The following MARCO variants were observed in gnomAD, a reference collection of about 807,000 sequenced individuals.
MARCO encodes macrophage receptor with collagenous structure, also known as macrophage receptor MARCO.
Under a neutral mutation model 70.0 loss-of-function variants are expected in MARCO, and 72 were observed. That is an observed-to-expected ratio of 1.03 (90% CI 0.85 to 1.25). The LOEUF is 1.25. Among genes scored for constraint, MARCO ranks in the 50% most tolerant of loss-of-function variants. The pLI is 0.00. For missense variants in MARCO, 696 were observed against 659.3 expected, an observed-to-expected ratio of 1.06 and a Z score of -0.61; for synonymous variants, 273 against 243.1, an observed-to-expected ratio of 1.12 and a Z score of -1.14.
intron 1 of MARCO, among the ~76,000 whole-genome samples, chr2:118,957,257 G>T (rs1480998453): frequency 6.6e-6 from 1 of 151,926 alleles, no homozygotes; most frequent in Non-Finnish European, 1.5e-5. Flanking sequence ...ACGAAGGAAA[G>T]AAGAGAGAAA....
Position 118,982,156 on chromosome 2 carries a change from GA to G in MARCO, c.903del (p.Gln302AsnfsTer46), listed in dbSNP as rs780551837. 1.2e-6 allele frequency: 2 copies of G among 1,605,982 alleles called. No homozygotes were observed. The highest frequency in any genetic ancestry group is 1.7e-6 in the Non-Finnish European group (2 of 1,174,110). On this transcript the variant is annotated frameshift_variant and splice_region_variant, in exon 11 of 17. Coordinates refer to ENST00000327097, the MANE Select transcript of MARCO (RefSeq NM_006770.4). LOFTEE classifies it high-confidence loss of function. ...CTGGCAGTCACTACTTTCCTTTCAG[GA>G]CAACCTGGACTGCAGGGTGTTCCGG... is the stretch of plus-strand genomic sequence containing the variant. ...AGFPGAKGDQ[G>X]QPGLQGVPGP...
Position 118,974,359 on chromosome 2 carries a change from G to A in MARCO, c.487G>A (p.Gly163Ser), listed in dbSNP as rs1370063961. 6.2e-7 allele frequency: 1 copy of A among 1,605,846 alleles called. No individual in the cohort carries two copies. Among genetic ancestry groups the A allele is most frequent in the Non-Finnish European group, 8.5e-7 (1 of 1,176,456 alleles). The stretch of plus-strand genomic sequence containing the variant: ...TCTTCAAGGTCACAAGGGGGCCATG[G>A]GCATGCCTGGTGCCCCTGGCCCGCC... ...PGLQGHKGAM[G>S]MPGAPGPPGP... Residue 163 changes from glycine to serine, a missense_variant, in exon 5 of 17, where the codon GGC becomes AGC. Gly to Ser is a moderately conservative substitution (Grantham distance 56). Coordinates refer to ENST00000327097, the MANE Select transcript of MARCO (RefSeq NM_006770.4).
intron 1 of MARCO, among the ~76,000 whole-genome samples, chr2:118,954,855 A>G (rs1439140645): frequency 6.6e-6 from 1 of 152,162 alleles, no homozygotes; most frequent in Non-Finnish European, 1.5e-5. Flanking sequence ...AGCCACATCC[A>G]CAGGAAAACA....
Position 118,991,804 on chromosome 2 carries a change from G to A in MARCO, c.1136G>A (p.Gly379Glu), listed in dbSNP as rs764633665. Residue 379 changes from glycine (G) to glutamate (E), a missense_variant, in exon 14 of 17, where the codon GGG becomes GAG. By Grantham distance (98) the Gly-to-Glu change is moderately conservative (BLOSUM62 -2). Transcript: ENST00000327097. ...PGPAGVKGEQ[G>E]SPGLAGPKGA... ...CCTGCAGGTGTGAAGGGAGAACAGG[G>A]GAGCCCAGGGCTGGCAGGTCCCAAG... is the stretch of plus-strand genomic sequence containing the variant. The A allele has an allele frequency of 1.3e-6, 2 of 1,596,076 alleles. No homozygotes were observed. Among genetic ancestry groups the A allele is most frequent in the Admixed American group, 1.8e-5 (1 of 56,732 alleles).
chr2:118,957,839 G>T (rs1012451265), intron 1 of MARCO, among the ~76,000 whole-genome samples: 1 of 152,038 alleles, frequency 6.6e-6, no homozygotes, highest in African/African-American at 2.4e-5. Flanking sequence ...TGCAGGGATG[G>T]TTTAACATTC....
intron 1 of MARCO, chr2:118,949,264 C>T (rs536599397): frequency 6.6e-6 from 1 of 152,312 alleles, no homozygotes; most frequent in African/African-American, 2.4e-5. Flanking sequence ...ACAACGTGGG[C>T]CTCTGGCCTA....
intron 1 of MARCO, among the ~76,000 whole-genome samples, chr2:118,955,642 A>G (rs1421658293): frequency 1.3e-5 from 2 of 152,232 alleles, no homozygotes; most frequent in Admixed American, 6.5e-5. Flanking sequence ...TCCCCTAGAC[A>G]CATTGTCATC....
chr2:118,979,707 C>T (rs1326171972), intron 8 of MARCO, among the ~76,000 whole-genome samples: 1 of 152,184 alleles, frequency 6.6e-6, no homozygotes, highest in Non-Finnish European at 1.5e-5. Context: ...CTTCAAAAAT[C>T]AGGACTCAGG....
intron 12 of MARCO, among the ~76,000 whole-genome samples, chr2:118,986,640 A>G (rs1488550205): frequency 3.0e-4 from 13 of 42,958 alleles, no homozygotes; most frequent in Admixed American, 6.7e-4. Context: ...AAAGAAAGAA[A>G]GAAAGAAAGA....
intron 4 of MARCO, among the ~76,000 whole-genome samples, chr2:118,971,987 G>C (rs1680181395): frequency 1.3e-5 from 2 of 152,232 alleles, no homozygotes; most frequent in African/African-American, 4.8e-5. Context: ...TGGAGGCGCA[G>C]GCTGTGCGGT....
At chr2:118,956,951 A>G (rs1679848639) in intron 1 of MARCO, among the ~76,000 whole-genome samples, 1 of 152,160 alleles carries the variant, frequency 6.6e-6, no homozygotes, top group Admixed American at 6.6e-5. Context: ...CTGAATGACA[A>G]TAATGACACA....
intron 1 of MARCO, among the ~76,000 whole-genome samples, chr2:118,961,570 T>C (rs1156546828): frequency 1.3e-5 from 2 of 152,180 alleles, no homozygotes; most frequent in Admixed American, 6.5e-5. Context: ...GAGGTTGTTT[T>C]TTTTTCTTGT....
rs754101692 is a variant in MARCO at position 118,994,406 on chromosome 2, G to A, written c.1449G>A (p.Leu483=). The change falls in exon 17 of 17, where the codon CTG becomes CTA. Residue 483 remains leucine, a synonymous_variant. Coordinates refer to ENST00000327097, the MANE Select transcript of MARCO (RefSeq NM_006770.4). ...KVGAGTGQIW[L]DNVQCRGTES... is the part of the protein sequence containing the mutation. ...ATCAAGGCACTGGGCAGATCTGGCTGGATAATGTTCAGTGTCGGGGCACGG... is the reference window on the plus strand; with the variant it reads ...ATCAAGGCACTGGGCAGATCTGGCTAGATAATGTTCAGTGTCGGGGCACGG... The A allele has an allele frequency of 3.1e-6, 5 of 1,614,160 alleles. No individual in the cohort carries two copies. The highest frequency in any genetic ancestry group is 2.2e-5 in the South Asian group (2 of 91,078).
intron 2 of MARCO, 126 bp from the exon 3 acceptor site, chr2:118,969,988 G>A: frequency 1.2e-6 from 1 of 818,428 alleles, no homozygotes; most frequent in Non-Finnish European, 2.0e-6. Flanking sequence ...GCTAGGTCCT[G>A]ACAGCACATG....
chr2:118,978,076 A>G (rs1680320682), intron 8 of MARCO, 141 bp downstream of exon 8: 1 of 576,130 alleles, frequency 1.7e-6, no homozygotes, highest in Non-Finnish European at 3.2e-6. Context: ...AGCACCACAC[A>G]TAGTCTCTTC....
intron 1 of MARCO, among the ~76,000 whole-genome samples, chr2:118,959,095 A>G (rs1679891185): frequency 6.6e-6 from 1 of 152,226 alleles, no homozygotes; most frequent in South Asian, 2.1e-4. Flanking sequence ...TTCATGACCA[A>G]GAACCCAAAA....
At chr2:118,942,552 T>C (rs183605840) in intron 1 of MARCO, among the ~76,000 whole-genome samples, 155 bp downstream of exon 1, 28 of 152,350 alleles carry the variant, frequency 1.8e-4, no homozygotes, top group Non-Finnish European at 3.8e-4. Flanking sequence ...TGCTTCAATT[T>C]GGAATTTCTG....
chr2:118,993,157 G>T lies in MARCO; in HGVS notation c.1286G>T (p.Ser429Ile), dbSNP rs753508036. Reference protein sequence around the residue: ...ENSVSVRIVGSSNRGRAEVYY... With the variant: ...ENSVSVRIVGISNRGRAEVYY... ...TCAGTGTCCGTCAGGATTGTCGGCAGTAGTAACCGAGGCCGGGCTGAAGTT... is the reference window on the plus strand; with the variant it reads ...TCAGTGTCCGTCAGGATTGTCGGCATTAGTAACCGAGGCCGGGCTGAAGTT... The change falls in exon 16 of 17, where the codon AGT (serine) becomes ATT (isoleucine). Residue 429 changes from serine (S) to isoleucine (I), a missense_variant. Ser to Ile is a moderately radical substitution (Grantham distance 142). Coordinates refer to ENST00000327097, the MANE Select transcript of MARCO (RefSeq NM_006770.4). The T allele has an allele frequency of 4.3e-6, 7 of 1,614,246 alleles. No homozygotes were observed. Among genetic ancestry groups the T allele is most frequent in the Non-Finnish European group, 5.9e-6 (7 of 1,180,046 alleles).
chr2:118,990,196 C>T (rs1680593991), intron 12 of MARCO, among the ~76,000 whole-genome samples: 1 of 152,192 alleles, frequency 6.6e-6, no homozygotes, highest in Non-Finnish European at 1.5e-5. Flanking sequence ...CCACTGAGCC[C>T]CTCCACAGTC....
Sources: gnomAD v4.1 joint callset for allele counts (sites outside exome capture counted in the v4.1 genomes callset) on GRCh38, gnomAD v4.1.1 for gene constraint, MANE v1.5 for transcripts, NCBI Gene and HGNC (gene_info 2026-07-23, HGNC 2026-07-21) for gene names.